SMCHD1: variants seen among roughly 807,000 people sequenced by gnomAD.
SMCHD1 encodes structural maintenance of chromosomes flexible hinge domain-containing protein 1.
SMCHD1 carries 78 observed loss-of-function variants against 254.7 expected under a neutral mutation model. That is an observed-to-expected ratio of 0.31 (90% CI 0.26 to 0.37). The LOEUF is 0.37. Among genes scored for constraint, SMCHD1 ranks in the 10% least tolerant of loss-of-function variants. The pLI is 1.00. For synonymous variants in SMCHD1, 766 were observed against 794.9 expected (o/e 0.96, Z 0.61); for missense variants, 1,840 against 2,408.1 (o/e 0.76, Z 4.94).
intron 42 of SMCHD1, 149 bp from the exon 43 acceptor site, chr18:2,777,657 T>G: frequency 2.0e-6 from 1 of 510,164 alleles, no homozygotes; most frequent in Non-Finnish European, 3.5e-6. Flanking sequence ...GCATAATAGC[T>G]GATCATTTAG....
chr18:2,750,852 T>A (rs2143621927), intron 32 of SMCHD1, among the ~76,000 whole-genome samples: 1 of 152,236 alleles, frequency 6.6e-6, no homozygotes, highest in South Asian at 2.1e-4. Context: ...TAAAGTAGAC[T>A]ATACCGTATA....
chr18:2,656,407 T>C (rs1247751738), intron 1 of SMCHD1, 146 bp downstream of exon 1: 5 of 785,680 alleles, frequency 6.4e-6, no homozygotes, highest in African/African-American at 1.8e-5. Context: ...GTGCCCGCCA[T>C]GTCCGTGACC....
chr18:2,657,159 G>T (rs1266454099), intron 1 of SMCHD1, among the ~76,000 whole-genome samples: 1 of 152,176 alleles, frequency 6.6e-6, no homozygotes, highest in African/African-American at 2.4e-5. Context: ...GTGTTTTGTC[G>T]TGAGGCTGAT....
rs762515040 is a variant in SMCHD1, at chr18:2,718,266, C to T, written c.2338+31C>T. The T allele has an allele frequency of 1.2e-6, 2 of 1,609,224 alleles. No homozygotes were observed. Among genetic ancestry groups the T allele is most frequent in the African/African-American group, 1.3e-5 (1 of 74,644 alleles). On this transcript the variant is annotated intron_variant, in intron 18 of 47. Transcript: ENST00000320876. This position sits in a 1 kb window ranked among gnomAD's most constrained non-coding sequence, Gnocchi z 4.6. ...TTCTTATTCTGAATGTTAAAAAATA[C>T]ATTGGTATTGTGTTGACTTGATTTT... is the stretch of plus-strand genomic sequence containing the variant.
intron 1 of SMCHD1, 109 bp from the exon 2 acceptor site, chr18:2,666,048 G>A (rs1296861684): frequency 1.1e-5 from 6 of 557,522 alleles, no homozygotes; most frequent in African/African-American, 1.9e-5. Flanking sequence ...GATAAGTGTA[G>A]TGGTTACAGA....
chr18:2,697,475 G>A (rs564587904), intron 9 of SMCHD1, among the ~76,000 whole-genome samples: 92 of 152,306 alleles, frequency 6.0e-4, no homozygotes, highest in African/African-American at 2.2e-3. Context: ...GCAGCACAGA[G>A]CATTTGAGTA....
chr18:2,725,001 C>T lies in SMCHD1; in HGVS notation c.2700+6C>T. On this transcript the variant is annotated splice_donor_region_variant and intron_variant, in intron 21 of 47. Coordinates refer to ENST00000320876, the MANE Select transcript of SMCHD1 (RefSeq NM_015295.3). ...TAAACTCTTGTCAAGGCAAGGTAAG[C>T]ATTATGTATAGATCCTATGATACTT... 6.6e-7 allele frequency: 1 copy of T among 1,511,912 alleles called. No individual in the cohort carries two copies. The highest frequency in any genetic ancestry group is 9.1e-7 in the Non-Finnish European group (1 of 1,102,874). The allele number at this position is 1,511,912 out of a possible 1,614,324, so 93.7% of individuals were successfully genotyped here. A position where few individuals can be genotyped will look rare whatever the true frequency, so the allele number is the denominator to read the frequency against.
At chr18:2,709,117 G>A (rs2074604464) in intron 17 of SMCHD1, among the ~76,000 whole-genome samples, 1 of 149,094 alleles carries the variant, frequency 6.7e-6, no homozygotes. Context: ...CATAAAAATG[G>A]AATTATATTT....
chr18:2,740,503 G>A (rs2075329135), intron 27 of SMCHD1, among the ~76,000 whole-genome samples, 200 bp from the exon 28 acceptor site: 1 of 151,994 alleles, frequency 6.6e-6, no homozygotes, highest in African/African-American at 2.4e-5. Flanking sequence ...GTTAAATGTA[G>A]TTGAAAATAT....
At chr18:2,711,517 C>G (rs2074670934) in intron 17 of SMCHD1, among the ~76,000 whole-genome samples, 1 of 131,834 alleles carries the variant, frequency 7.6e-6, no homozygotes, top group Non-Finnish European at 1.6e-5. Flanking sequence ...GAGTCTCGCT[C>G]TGTCGCCCAG....
chr18:2,728,694 C>T, intron 23 of SMCHD1, 98 bp downstream of exon 23: 1 of 1,243,630 alleles, frequency 8.0e-7, no homozygotes. Context: ...GGATTTAAGT[C>T]TGAAACGATT....
At chr18:2,797,786 G>A (rs1386566321) in intron 47 of SMCHD1, among the ~76,000 whole-genome samples, 7 of 152,034 alleles carry the variant, frequency 4.6e-5, no homozygotes, top group African/African-American at 7.2e-5. Context: ...TCATGGTGGC[G>A]CACGCCTGTA....
intron 25 of SMCHD1, among the ~76,000 whole-genome samples, chr18:2,733,645 G>A (rs1037621598): frequency 2.0e-5 from 3 of 152,182 alleles, no homozygotes; most frequent in Non-Finnish European, 4.4e-5. Flanking sequence ...AGATGAAATT[G>A]TACCTAAGCA....
chr18:2,794,891 G>T (rs1297707906), intron 45 of SMCHD1, among the ~76,000 whole-genome samples: 1 of 152,070 alleles, frequency 6.6e-6, no homozygotes, highest in Non-Finnish European at 1.5e-5. Flanking sequence ...TTGTTTTATG[G>T]TCCTTTTCTA....
intron 20 of SMCHD1, among the ~76,000 whole-genome samples, chr18:2,724,364 A>G (rs547471850): frequency 1.3e-5 from 2 of 152,030 alleles, no homozygotes; most frequent in African/African-American, 4.8e-5. Flanking sequence ...TTTAGGAACC[A>G]TATTACTCAT....
At chr18:2,778,334 A>T in intron 44 of SMCHD1, 95 bp downstream of exon 44, 1 of 822,776 alleles carries the variant, frequency 1.2e-6, no homozygotes. Flanking sequence ...AGCCTTTTCA[A>T]AACCAATTTA....
At chr18:2,786,162 C>T (rs563847759) in intron 45 of SMCHD1, among the ~76,000 whole-genome samples, 1 of 152,100 alleles carries the variant, frequency 6.6e-6, no homozygotes, top group Admixed American at 6.6e-5. Flanking sequence ...TACAGACATG[C>T]GCCACCACAC....
intron 30 of SMCHD1, among the ~76,000 whole-genome samples, chr18:2,748,788 G>A (rs1034915782): frequency 5.9e-5 from 9 of 151,852 alleles, no homozygotes; most frequent in African/African-American, 1.9e-4. Flanking sequence ...AGGGAGTTGG[G>A]GTCATATTCA....
chr18:2,786,517 C>A (rs544122804), intron 45 of SMCHD1, among the ~76,000 whole-genome samples: 1 of 152,060 alleles, frequency 6.6e-6, no homozygotes, highest in Admixed American at 6.5e-5. Context: ...CATGGTAAAA[C>A]CCCATCTTTA....
Sources: gnomAD v4.1 joint callset for allele counts (sites outside exome capture counted in the v4.1 genomes callset) on GRCh38, gnomAD v4.1.1 for gene constraint, Gnocchi (gnomAD v3.1) non-coding constraint, MANE v1.5 for transcripts, NCBI Gene and HGNC (gene_info 2026-07-23, HGNC 2026-07-21) for gene names.